The following FAM118B variants were observed in gnomAD, a reference collection of about 807,000 sequenced individuals.
FAM118B encodes protein FAM118B.
A neutral mutation model predicts 38.5 loss-of-function variants in FAM118B; 24 were observed. The ratio of observed to expected loss-of-function variants is 0.62; its 90% CI spans 0.45 to 0.88. The LOEUF is 0.88. FAM118B is among the 40% of genes least tolerant of loss of function. The probability of loss-of-function intolerance (pLI) is 0.00; values close to 1 mark genes in which losing one functional copy is unlikely to be tolerated. For missense variants in FAM118B, 334 were observed against 420.0 expected, an observed-to-expected ratio of 0.80 and a Z score of 1.79; for synonymous variants, 138 against 156.3, an observed-to-expected ratio of 0.88 and a Z score of 0.87.
intron 7 of FAM118B, 142 bp from the exon 8 acceptor site, chr11:126,261,283 A>G: frequency 1.5e-6 from 1 of 653,222 alleles, no homozygotes; most frequent in Non-Finnish European, 2.7e-6. Context: ...CTGCCTCCTT[A>G]TCTTCTCAAT....
chr11:126,232,855 C>T (rs1269734381), intron 2 of FAM118B, among the ~76,000 whole-genome samples: 3 of 151,924 alleles, frequency 2.0e-5, no homozygotes, highest in Non-Finnish European at 4.4e-5. Context: ...CTTTTAGAAT[C>T]GGAAGTGAGT....
At chr11:126,254,493 T>TA in intron 6 of FAM118B, 60 bp downstream of exon 6, 2 of 1,600,328 alleles carry the variant, frequency 1.2e-6, no homozygotes, top group Non-Finnish European at 1.7e-6. Context: ...TCTCTAAATA[T>TA]GCCATAGATC....
chr11:126,249,337 A>G (rs1686069586), intron 4 of FAM118B, among the ~76,000 whole-genome samples: 2 of 152,242 alleles, frequency 1.3e-5, no homozygotes, highest in African/African-American at 4.8e-5. Context: ...TATACTGGAT[A>G]TTCTTCAGAA....
At chr11:126,216,075 A>G (rs1949974566) in intron 1 of FAM118B, among the ~76,000 whole-genome samples, 1 of 152,074 alleles carries the variant, frequency 6.6e-6, no homozygotes, top group Non-Finnish European at 1.5e-5. Flanking sequence ...AAGATTTGGA[A>G]TTAAAAAACA....
At chr11:126,222,542 T>C (rs1009901240) in intron 1 of FAM118B, among the ~76,000 whole-genome samples, 24 of 152,368 alleles carry the variant, frequency 1.6e-4, no homozygotes, top group African/African-American at 5.8e-4. Context: ...GATTCTAATT[T>C]CTTGTTGTTA....
In FAM118B at chr11:126,256,441, T is replaced by C; in HGVS notation, c.697-126T>C. 1.3e-6 allele frequency: 1 copy of C among 777,370 alleles called. No homozygotes were observed. The highest frequency in any genetic ancestry group is 1.8e-5 in the South Asian group (1 of 55,700). 48.2% of individuals were successfully genotyped at this position (777,370 alleles called of 1,614,324 possible). A position where few individuals can be genotyped will look rare whatever the true frequency, so the allele number is the denominator to read the frequency against. ...AGAGATCACACTCCTTGATGGGACA[T>C]ACCAACCCACTTAAGTCTTGCTTAA... On this transcript the variant is annotated intron_variant, in intron 6 of 8. Transcript: ENST00000533050. This position sits in a 1 kb window ranked among gnomAD's most constrained non-coding sequence, Gnocchi z 6.6.
chr11:126,217,753 A>G (rs1384693531), intron 1 of FAM118B, among the ~76,000 whole-genome samples: 2 of 152,178 alleles, frequency 1.3e-5, no homozygotes, highest in Non-Finnish European at 2.9e-5. Context: ...AAAAGCATAT[A>G]CTTCAGTTAT....
At position 126,250,127 on chromosome 11, in the gene FAM118B, C is replaced by T. The variant is rs1213980684; in HGVS notation, c.340-379C>T. ...TTTTTTTTGAGATGGAGTCTCGCTC[C>T]GTCGCCCAGGCTGGAGTGCAGTGAC... On this transcript the variant is annotated intron_variant, in intron 4 of 8. Transcript: ENST00000533050. The surrounding 1 kb of genome is among the most constrained non-coding windows in gnomAD (Gnocchi z 5.1). Among the ~76,000 whole-genome samples the T allele has an allele frequency of 7.3e-5, 11 of 149,702 alleles. No individual in the cohort carries two copies. The highest frequency in any genetic ancestry group is 1.3e-4 in the Admixed American group (2 of 14,962).
rs551558179 is a variant in FAM118B, at chr11:126,239,441, A to C, written c.87-1351A>C. ...TTTCTATGTGTGTGTATATTTGTTT[A>C]TGTGGATTTGTGTATGCTTCACTAT... On this transcript the variant is annotated intron_variant, in intron 3 of 8. Transcript: ENST00000533050. 1.3e-4 allele frequency among the ~76,000 whole-genome samples: 20 copies of C among 152,252 alleles called. No individual in the cohort carries two copies. In the East Asian group the frequency reaches 3.9e-3, roughly 29 times the overall value.
At chr11:126,230,855 CAA>C (rs1163435557) in intron 2 of FAM118B, among the ~76,000 whole-genome samples, 1 of 152,186 alleles carries the variant, frequency 6.6e-6, no homozygotes, top group Non-Finnish European at 1.5e-5. Flanking sequence ...GCTATCAAAA[CAA>C]GAGCTGCTGG....
intron 1 of FAM118B, among the ~76,000 whole-genome samples, chr11:126,219,205 G>T (rs1950024577): frequency 6.6e-6 from 1 of 152,048 alleles, no homozygotes; most frequent in South Asian, 2.1e-4. Context: ...AAAAGATTAA[G>T]AAGTAAACAC....
intron 8 of FAM118B, among the ~76,000 whole-genome samples, chr11:126,261,755 G>T (rs1207146951): frequency 2.0e-5 from 3 of 152,180 alleles, no homozygotes; most frequent in African/African-American, 7.2e-5. Flanking sequence ...TTGGGAGGCT[G>T]AGGCAGGAGG....
intron 1 of FAM118B, among the ~76,000 whole-genome samples, chr11:126,221,028 A>T (rs936384183): frequency 2.0e-5 from 3 of 152,170 alleles, no homozygotes; most frequent in African/African-American, 7.2e-5. Context: ...CTTTACTAAA[A>T]ATACAAAAAT....
At chr11:126,246,173 T>C (rs1436525025) in intron 4 of FAM118B, among the ~76,000 whole-genome samples, 1 of 152,140 alleles carries the variant, frequency 6.6e-6, no homozygotes, top group Non-Finnish European at 1.5e-5. Context: ...ACATTAATAT[T>C]TTTTAGGTGA....
intron 3 of FAM118B, among the ~76,000 whole-genome samples, chr11:126,237,749 C>T (rs1326021299): frequency 9.9e-5 from 14 of 140,812 alleles, no homozygotes; most frequent in Non-Finnish European, 2.0e-4. Flanking sequence ...CCCAGCTACT[C>T]GGGAGGCTGA....
At chr11:126,222,738 G>A (rs1950080613) in intron 1 of FAM118B, among the ~76,000 whole-genome samples, 1 of 152,142 alleles carries the variant, frequency 6.6e-6, no homozygotes, top group Non-Finnish European at 1.5e-5. Flanking sequence ...TGATCCCTTA[G>A]ACTTTAATTA....
chr11:126,221,948 G>A (rs1215056915), intron 1 of FAM118B, among the ~76,000 whole-genome samples: 5 of 152,078 alleles, frequency 3.3e-5, no homozygotes, highest in Non-Finnish European at 5.9e-5. Context: ...ACCTCATCCA[G>A]GCATGTGAAA....
rs555559242 is a variant in FAM118B at position 126,237,107 on chromosome 11, G to A, written c.86+2020G>A. The stretch of plus-strand genomic sequence containing the variant: ...AATTTTTTGTATTTTTAGTAGAGAC[G>A]GGATTTCACTGTGTTAGCCAGGATG... On this transcript the variant is annotated intron_variant, in intron 3 of 8. Transcript: ENST00000533050. 6.1e-5 allele frequency among the ~76,000 whole-genome samples: 9 copies of A among 148,172 alleles called. No homozygotes were observed. The South Asian group carries it at 1.5e-3, about 25-fold the overall frequency.
At chr11:126,259,582 T>C (rs1207519783) in intron 7 of FAM118B, among the ~76,000 whole-genome samples, 127 of 146,464 alleles carry the variant, frequency 8.7e-4, no homozygotes, top group African/African-American at 3.0e-3. Context: ...CCCACCACCA[T>C]GCCCGGCTAA....
Sources: allele counts gnomAD v4.1 joint callset (sites outside exome capture counted in the v4.1 genomes callset), GRCh38; gene constraint gnomAD v4.1.1; non-coding constraint Gnocchi (gnomAD v3.1); transcripts MANE v1.5; gene names NCBI Gene and HGNC (gene_info 2026-07-23, HGNC 2026-07-21).